The following COL4A2 variants were observed in gnomAD, a reference collection of about 807,000 sequenced individuals.
The protein encoded by COL4A2 is collagen alpha-2(IV) chain.
In COL4A2, 99 loss-of-function variants were observed where a neutral mutation model predicts 200.2. The observed-to-expected ratio is 0.49, with a 90% CI of 0.42 to 0.58. COL4A2 has a LOEUF of 0.58. Ranked by LOEUF, COL4A2 falls within the 20% of genes least tolerant of loss-of-function variation. The probability of loss-of-function intolerance (pLI) is 0.00; values close to 1 mark genes in which losing one functional copy is unlikely to be tolerated. For synonymous variants in COL4A2, 897 were observed against 900.6 expected, an observed-to-expected ratio of 1.00 and a Z score of 0.07; for missense variants, 1,950 against 2,314.1, an observed-to-expected ratio of 0.84 and a Z score of 3.23.
chr13:110,394,177 A>G (rs1430449282), intron 4 of COL4A2, among the ~76,000 whole-genome samples: 1 of 152,176 alleles, frequency 6.6e-6, no homozygotes, highest in East Asian at 1.9e-4. Context: ...GCAAATAGGT[A>G]TTTTATAATC....
chr13:110,477,060 G>C (rs1021065347), intron 29 of COL4A2, among the ~76,000 whole-genome samples: 4 of 152,154 alleles, frequency 2.6e-5, no homozygotes, highest in Admixed American at 2.0e-4. Flanking sequence ...GAAAATAGGA[G>C]CAAAGAGGCC....
chr13:110,465,329 G>A, intron 24 of COL4A2, 76 bp from the exon 25 acceptor site: 5 of 1,499,178 alleles, frequency 3.3e-6, no homozygotes, highest in Non-Finnish European at 4.5e-6. Flanking sequence ...CCGGGAAATG[G>A]GAAAGGAAAC....
In COL4A2 at chr13:110,432,373, T is replaced by C; in HGVS notation, c.684+13T>C. 6.2e-7 allele frequency: 1 copy of C among 1,603,874 alleles called. No individual in the cohort carries two copies. The highest frequency in any genetic ancestry group is 8.5e-7 in the Non-Finnish European group (1 of 1,175,372). On this transcript the variant is annotated intron_variant, in intron 11 of 47. Coordinates refer to ENST00000360467, the MANE Select transcript of COL4A2 (RefSeq NM_001846.4). ...AAAAGGACAGCAAGTAAGTTGGTTT[T>C]GGGGGGTGAGGATGAGGGAAGGGGG... is the stretch of plus-strand genomic sequence containing the variant.
At chr13:110,465,822 T>G (rs139615538) in intron 25 of COL4A2, among the ~76,000 whole-genome samples, 181 bp from the exon 26 acceptor site, 76 of 152,170 alleles carry the variant, frequency 5.0e-4, no homozygotes, top group African/African-American at 1.7e-3. Flanking sequence ...AGGACTACAG[T>G]GACAGAGGCC....
At chr13:110,461,579 G>C (rs1326568656) in intron 22 of COL4A2, among the ~76,000 whole-genome samples, 2 of 152,168 alleles carry the variant, frequency 1.3e-5, no homozygotes, top group Admixed American at 6.5e-5. Context: ...GGAATGCAGT[G>C]GCAAGATCTC....
intron 16 of COL4A2, among the ~76,000 whole-genome samples, chr13:110,442,017 CAG>C (rs1881143775): frequency 7.5e-6 from 1 of 133,302 alleles, no homozygotes; most frequent in East Asian, 2.1e-4. Context: ...ACCTGGGAGG[CAG>C]AGGTTGCAGT....
At chr13:110,468,877 A>G (rs1882353537) in intron 27 of COL4A2, among the ~76,000 whole-genome samples, 2 of 152,208 alleles carry the variant, frequency 1.3e-5, no homozygotes, top group African/African-American at 2.4e-5. Context: ...TTTACAGGTG[A>G]GGAAACTGAG....
At chr13:110,393,066 G>A (rs1454332103) in intron 4 of COL4A2, among the ~76,000 whole-genome samples, 1 of 152,194 alleles carries the variant, frequency 6.6e-6, no homozygotes, top group African/African-American at 2.4e-5. Flanking sequence ...TCCCCCTGGT[G>A]TCGCCCACCT....
At chr13:110,378,223 A>C (rs952048861) in intron 4 of COL4A2, among the ~76,000 whole-genome samples, 1 of 152,220 alleles carries the variant, frequency 6.6e-6, no homozygotes, top group African/African-American at 2.4e-5. Context: ...CCTTTATTCA[A>C]GGTCTTCACT....
chr13:110,498,191 T>C (rs1883526248), intron 40 of COL4A2, among the ~76,000 whole-genome samples: 1 of 152,190 alleles, frequency 6.6e-6, no homozygotes, highest in African/African-American at 2.4e-5. Context: ...CAAATGAAAA[T>C]AAAAATGCAC....
At chr13:110,501,309 C>T (rs1883630762) in intron 40 of COL4A2, among the ~76,000 whole-genome samples, 2 of 152,232 alleles carry the variant, frequency 1.3e-5, no homozygotes, top group Admixed American at 1.3e-4. Flanking sequence ...CCACTGTCCA[C>T]ACATATCAGG....
At chr13:110,474,608 A>G (rs1399809071) in intron 29 of COL4A2, among the ~76,000 whole-genome samples, 9 of 152,222 alleles carry the variant, frequency 5.9e-5, no homozygotes, top group Admixed American at 5.9e-4. Context: ...ATGCTCACAC[A>G]TGATCACATA....
intron 3 of COL4A2, among the ~76,000 whole-genome samples, chr13:110,335,998 C>T (rs1460402261): frequency 6.6e-6 from 1 of 152,236 alleles, no homozygotes; most frequent in Non-Finnish European, 1.5e-5. Flanking sequence ...ATCCAGTCTC[C>T]TGTGGATGGC....
In COL4A2 at chr13:110,307,735, C is replaced by T. The variant is rs891416821; in HGVS notation, c.-44-125C>T. ...TTTCCGGGTCGTGGGGGGGACGGCC[C>T]TCCGGTCACCCCTGCATGCGGGCCG... On this transcript the variant is annotated intron_variant, in intron 1 of 47. Coordinates refer to ENST00000360467, the MANE Select transcript of COL4A2 (RefSeq NM_001846.4). This position sits in a 1 kb window ranked among gnomAD's most constrained non-coding sequence, Gnocchi z 5.0. The T allele has an allele frequency of 3.3e-6, 3 of 897,716 alleles. No individual in the cohort carries two copies. The highest frequency in any genetic ancestry group is 4.9e-6 in the Non-Finnish European group (3 of 606,668). The allele number at this position is 897,716 out of a possible 1,614,324, so 55.6% of individuals were successfully genotyped here. A position where few individuals can be genotyped will look rare whatever the true frequency, so the allele number is the denominator to read the frequency against.
At chr13:110,437,226 G>A (rs4255644) in intron 13 of COL4A2, among the ~76,000 whole-genome samples, 41,648 of 152,082 alleles carry the variant, frequency 0.27, 6,078 homozygotes, top group Middle Eastern at 0.45. Context: ...GCTGAGGCTC[G>A]AGTTATGAGT....
intron 20 of COL4A2, among the ~76,000 whole-genome samples, chr13:110,454,587 T>C (rs1361263033): frequency 6.6e-6 from 1 of 152,034 alleles, no homozygotes; most frequent in Non-Finnish European, 1.5e-5. Context: ...CGGTCACCCT[T>C]TGTCCCCAGC....
Position 110,476,349 on chromosome 13 carries a change from C to T in COL4A2, c.2426-1654C>T, listed in dbSNP as rs528510022. 3.9e-5 allele frequency among the ~76,000 whole-genome samples: 6 copies of T among 152,356 alleles called. No individual in the cohort carries two copies. In the East Asian group the frequency reaches 7.7e-4, roughly 20 times the overall value. On this transcript the variant is annotated intron_variant, in intron 29 of 47. Coordinates refer to ENST00000360467, the MANE Select transcript of COL4A2 (RefSeq NM_001846.4). ...GAAGACCAAAAAATAGAAGTGTCCT[C>T]ATTTCTCACAGTACTACAGGAGGAG...
intron 36 of COL4A2, among the ~76,000 whole-genome samples, chr13:110,490,121 G>A (rs12873729): frequency 0.077 from 11,731 of 152,238 alleles, 620 homozygotes; most frequent in African/African-American, 0.14. Flanking sequence ...AGGGCGTGCA[G>A]CAGGTGGTCG....
chr13:110,348,641 C>T (rs910861228), intron 3 of COL4A2, among the ~76,000 whole-genome samples: 1 of 132,172 alleles, frequency 7.6e-6, no homozygotes, highest in African/African-American at 2.7e-5. Flanking sequence ...GTGTCAAAGA[C>T]AAAGAATTGT....
Sources: allele counts gnomAD v4.1 joint callset (sites outside exome capture counted in the v4.1 genomes callset), GRCh38; gene constraint gnomAD v4.1.1; non-coding constraint Gnocchi (gnomAD v3.1); transcripts MANE v1.5; gene names NCBI Gene and HGNC (gene_info 2026-07-23, HGNC 2026-07-21).